ST6GALNAC3: variants seen among roughly 807,000 people sequenced by gnomAD.
ST6GALNAC3 encodes ST6 N-acetylgalactosaminide alpha-2,6-sialyltransferase 3.
A neutral mutation model predicts 32.7 loss-of-function variants in ST6GALNAC3; 25 were observed. That is an observed-to-expected ratio of 0.76 (90% CI 0.56 to 1.07). The LOEUF is 1.07. ST6GALNAC3 is among the 50% of genes least tolerant of loss of function. The pLI is 0.00. For synonymous variants in ST6GALNAC3, 129 were observed against 133.1 expected, an observed-to-expected ratio of 0.97 and a Z score of 0.21; for missense variants, 355 against 382.4, an observed-to-expected ratio of 0.93 and a Z score of 0.60.
At chr1:76,484,007 G>C (rs559034788) in intron 3 of ST6GALNAC3, among the ~76,000 whole-genome samples, 2 of 152,080 alleles carry the variant, frequency 1.3e-5, no homozygotes, top group African/African-American at 4.8e-5. Flanking sequence ...GTTTTTGTCA[G>C]GTTTGTCAAA....
intron 3 of ST6GALNAC3, among the ~76,000 whole-genome samples, chr1:76,468,073 G>C (rs1658762910): frequency 6.6e-6 from 1 of 151,440 alleles, no homozygotes; most frequent in African/African-American, 2.4e-5. Context: ...ATATATACCA[G>C]AATCAATCAA....
At chr1:76,551,877 AC>A (rs1369455961) in intron 3 of ST6GALNAC3, among the ~76,000 whole-genome samples, 1 of 151,758 alleles carries the variant, frequency 6.6e-6, no homozygotes, top group African/African-American at 2.4e-5. Flanking sequence ...CTATCATTCC[AC>A]TCTGTACCTC....
chr1:76,499,161 G>A (rs1238872716), intron 3 of ST6GALNAC3, among the ~76,000 whole-genome samples: 4 of 152,268 alleles, frequency 2.6e-5, no homozygotes, highest in Admixed American at 6.5e-5. Context: ...AAATGCCACT[G>A]ACTTATCATT....
At chr1:76,606,356 A>G (rs1647544476) in intron 3 of ST6GALNAC3, among the ~76,000 whole-genome samples, 1 of 152,238 alleles carries the variant, frequency 6.6e-6, no homozygotes, top group African/African-American at 2.4e-5. Context: ...AATATATGGT[A>G]CATATACAAC....
chr1:76,218,759 G>C (rs896474612), intron 1 of ST6GALNAC3, among the ~76,000 whole-genome samples: 3 of 152,096 alleles, frequency 2.0e-5, no homozygotes, highest in African/African-American at 4.8e-5. Flanking sequence ...AAGAGCAAAG[G>C]CTTTAGAATC....
chr1:76,171,736 C>T (rs1304367308), intron 1 of ST6GALNAC3, among the ~76,000 whole-genome samples: 2 of 149,458 alleles, frequency 1.3e-5, no homozygotes, highest in East Asian at 3.9e-4. Context: ...AAGACTAAAC[C>T]AGGAAAAAGC....
intron 2 of ST6GALNAC3, among the ~76,000 whole-genome samples, chr1:76,403,109 A>G (rs1388651960): frequency 1.3e-5 from 2 of 152,144 alleles, no homozygotes; most frequent in Admixed American, 6.6e-5. Flanking sequence ...CTAGCTTTAT[A>G]TGCTGGCAGG....
intron 3 of ST6GALNAC3, among the ~76,000 whole-genome samples, chr1:76,500,624 A>G (rs867114168): frequency 2.6e-5 from 4 of 152,340 alleles, no homozygotes; most frequent in Middle Eastern, 3.4e-3. Flanking sequence ...GGTGACCACA[A>G]TAGGTATACA....
At chr1:76,318,856 G>C (rs1646916778) in intron 2 of ST6GALNAC3, among the ~76,000 whole-genome samples, 1 of 152,134 alleles carries the variant, frequency 6.6e-6, no homozygotes, top group Admixed American at 6.6e-5. Flanking sequence ...AGGTAGTCCA[G>C]GGCTTGGTTC....
chr1:76,116,868 G>A (rs533575124), intron 1 of ST6GALNAC3, among the ~76,000 whole-genome samples: 2 of 152,198 alleles, frequency 1.3e-5, no homozygotes, highest in Non-Finnish European at 2.9e-5. Flanking sequence ...AGTGGAGGTT[G>A]CAGTGAGCCA....
chr1:76,463,968 G>A (rs1255590859), intron 3 of ST6GALNAC3, among the ~76,000 whole-genome samples: 1 of 152,100 alleles, frequency 6.6e-6, no homozygotes, highest in African/African-American at 2.4e-5. Context: ...TCTACTAAAA[G>A]TCACAGCTTC....
chr1:76,494,647 G>GCACACACACACA (rs1491154885), intron 3 of ST6GALNAC3, among the ~76,000 whole-genome samples: 2 of 54,000 alleles, frequency 3.7e-5, no homozygotes, highest in African/African-American at 2.3e-4. Context: ...TCATGTGTAT[G>GCACACACACACA]CGCACACACA....
At chr1:76,365,077 T>A (rs1487184429) in intron 2 of ST6GALNAC3, among the ~76,000 whole-genome samples, 1 of 152,150 alleles carries the variant, frequency 6.6e-6, no homozygotes, top group South Asian at 2.1e-4. Flanking sequence ...ACAACCTAAG[T>A]GTTCATCAAT....
At chr1:76,417,770 G>A (rs1433851361) in intron 3 of ST6GALNAC3, among the ~76,000 whole-genome samples, 2 of 148,044 alleles carry the variant, frequency 1.4e-5, no homozygotes, top group African/African-American at 5.3e-5. Flanking sequence ...GGCTGTTAAA[G>A]GACTCTGAGC....
intron 2 of ST6GALNAC3, among the ~76,000 whole-genome samples, chr1:76,352,440 G>A (rs1466917736): frequency 6.1e-5 from 9 of 147,764 alleles, no homozygotes; most frequent in African/African-American, 2.0e-4. Flanking sequence ...TCAGAACTGT[G>A]CCTGTCCCTC....
intron 3 of ST6GALNAC3, among the ~76,000 whole-genome samples, chr1:76,596,718 G>T (rs1647143758): frequency 6.6e-6 from 1 of 152,086 alleles, no homozygotes; most frequent in Non-Finnish European, 1.5e-5. Context: ...AATAATATCA[G>T]CCTGGGACTT....
chr1:76,245,348 G>A (rs1375405181), intron 1 of ST6GALNAC3, among the ~76,000 whole-genome samples: 3 of 151,864 alleles, frequency 2.0e-5, no homozygotes, highest in African/African-American at 7.3e-5. Flanking sequence ...CTAGCTAGTG[G>A]TCTATTTTTG....
chr1:76,282,270 TAGGG>T (rs58879183), intron 1 of ST6GALNAC3, among the ~76,000 whole-genome samples: 17,453 of 151,884 alleles, frequency 0.11, 1,075 homozygotes, highest in Middle Eastern at 0.17. Context: ...AAAAGAGACT[TAGGG>T]ACACATATTC....
rs1648259343 is a variant in ST6GALNAC3 at position 76,343,731 on chromosome 1, C to A, written c.213+29732C>A. On this transcript the variant is annotated intron_variant, in intron 2 of 4. Coordinates refer to ENST00000328299, the MANE Select transcript of ST6GALNAC3 (RefSeq NM_152996.4). ...AGGTAAAGTGAAGACAAAACAAGTC[C>A]TTCTAGCTTCAAAATGCTTTGATAT... Among the ~76,000 whole-genome samples, 5 of 152,282 alleles carry A rather than the reference C, an allele frequency of 3.3e-5. 1 individual carries two copies. In the Middle Eastern group the frequency reaches 0.017, roughly 518 times the overall value.
Sources: allele counts gnomAD v4.1 joint callset (sites outside exome capture counted in the v4.1 genomes callset), GRCh38; gene constraint gnomAD v4.1.1; transcripts MANE v1.5; gene names NCBI Gene and HGNC (gene_info 2026-07-23, HGNC 2026-07-21).